The following EVC2 variants were observed in gnomAD, a reference collection of about 807,000 sequenced individuals.
The protein encoded by EVC2 is EvC ciliary complex subunit 2.
Under a neutral mutation model 149.3 loss-of-function variants are expected in EVC2, and 148 were observed. The observed-to-expected ratio is 0.99, with a 90% CI of 0.87 to 1.14. The LOEUF is 1.14. Among genes scored for constraint, EVC2 ranks in the 50% most tolerant of loss-of-function variants. The pLI, the probability that EVC2 is intolerant of heterozygous loss-of-function variation, is 0.00. For synonymous variants in EVC2, 776 were observed against 649.9 expected (o/e 1.19, Z -2.95); for missense variants, 1,854 against 1,627.3 (o/e 1.14, Z -2.40).
chr4:5,616,904 C>T (rs28581822), intron 15 of EVC2, among the ~76,000 whole-genome samples: 25,414 of 152,206 alleles, frequency 0.17, 4,864 homozygotes, highest in African/African-American at 0.47. Flanking sequence ...AGAAACTTCA[C>T]TCCTGCCGGG....
At position 5,640,763 on chromosome 4, in the gene EVC2, A is replaced by AT; in HGVS notation, c.1220_1221insA (p.Ala408CysfsTer35). 1 of 1,614,222 alleles carries AT rather than the reference A, an allele frequency of 6.2e-7. No individual in the cohort carries two copies. ...TGGTGAGATTTTTCAGCAGAAGGGC[A>AT]ATGATATCCTTGCTGATTTGTGTTC... is the stretch of plus-strand genomic sequence containing the variant. On this transcript the variant is annotated frameshift_variant, in exon 10 of 22. Coordinates refer to ENST00000344408, the MANE Select transcript of EVC2 (RefSeq NM_147127.5). LOFTEE classifies it high-confidence loss of function. This position sits in a 1 kb window ranked among gnomAD's most constrained non-coding sequence, Gnocchi z 4.6.
At chr4:5,598,991 C>T (rs1435952225) in intron 16 of EVC2, among the ~76,000 whole-genome samples, 1 of 152,078 alleles carries the variant, frequency 6.6e-6, no homozygotes, top group Non-Finnish European at 1.5e-5. Flanking sequence ...CACTGGCCAT[C>T]AGAGAAATGC....
intron 16 of EVC2, among the ~76,000 whole-genome samples, chr4:5,605,125 T>C (rs1022458126): frequency 2.6e-5 from 4 of 152,246 alleles, no homozygotes; most frequent in African/African-American, 9.6e-5. Context: ...ATACAAAATA[T>C]TACTCAACTG....
chr4:5,684,956 G>A (rs920763169), intron 6 of EVC2, among the ~76,000 whole-genome samples: 4 of 152,200 alleles, frequency 2.6e-5, no homozygotes, highest in African/African-American at 9.7e-5. Flanking sequence ...CAGACACCCT[G>A]ATCTCTGGCT....
rs1722371353 is a variant in EVC2, at chr4:5,567,648, T to C, written c.3557+796A>G. Among the ~76,000 whole-genome samples, 1 of 152,002 alleles carries C rather than the reference T, an allele frequency of 6.6e-6. No homozygotes were observed. The highest frequency in any genetic ancestry group is 1.5e-5 in the Non-Finnish European group (1 of 68,016). On this transcript the variant is annotated intron_variant, in intron 20 of 21. Coordinates refer to ENST00000344408, the MANE Select transcript of EVC2 (RefSeq NM_147127.5). The surrounding 1 kb of genome is among the most constrained non-coding windows in gnomAD (Gnocchi z 4.4). Reference sequence around the variant, plus strand: ...TCCTGCCTTTCCCCATAAAAAGCCTTTAATGACCAAATTCACACCTGGGGC... The same window carrying C: ...TCCTGCCTTTCCCCATAAAAAGCCTCTAATGACCAAATTCACACCTGGGGC...
the EVC2 span, among the ~76,000 whole-genome samples, chr4:5,533,752 C>G: frequency 6.6e-6 from 1 of 152,132 alleles, no homozygotes. Flanking sequence ...AGAAAGAAAA[C>G]AGGGCATGGG....
At chr4:5,639,206 C>A (rs938313146) in intron 10 of EVC2, among the ~76,000 whole-genome samples, 17 of 152,242 alleles carry the variant, frequency 1.1e-4, no homozygotes, top group East Asian at 1.9e-4. Flanking sequence ...CCACAGTCTG[C>A]GGAAGGGAAG....
At position 5,584,769 on chromosome 4, in the gene EVC2, G is replaced by T; in HGVS notation, c.2911C>A (p.Gln971Lys). The change falls in exon 17 of 22, where the codon CAG becomes AAG. Residue 971 changes from glutamine (Q) to lysine (K), a missense_variant. Coordinates refer to ENST00000344408, the MANE Select transcript of EVC2 (RefSeq NM_147127.5). Reference sequence around the variant, plus strand: ...GTCACCCGGGACGCCTTCTGGAACTGCAGAGCAACAAGCGACTGTGCAAAG... The same window carrying T: ...GTCACCCGGGACGCCTTCTGGAACTTCAGAGCAACAAGCGACTGTGCAAAG... Reference protein sequence around the residue: ...GGFAQSLVALQFQKASRVTET... With the variant: ...GGFAQSLVALKFQKASRVTET... 1 of 1,614,170 alleles carries T rather than the reference G, an allele frequency of 6.2e-7. No homozygotes were observed. The highest frequency in any genetic ancestry group is 8.5e-7 in the Non-Finnish European group (1 of 1,180,030).
upstream of EVC2, chr4:5,709,224 C>T (rs947030376): frequency 6.6e-6 from 1 of 152,324 alleles, no homozygotes. Context: ...TCCCTGAACT[C>T]TCCGAGGGGA....
At position 5,650,644 on chromosome 4, in the gene EVC2, G is replaced by T. The variant is rs866145998; in HGVS notation, c.1146-9806C>A. Among the ~76,000 whole-genome samples the T allele has an allele frequency of 9.0e-3, 960 of 107,222 alleles. 3 individuals are homozygous for T. The highest frequency in any genetic ancestry group is 0.016 in the East Asian group (48 of 3,002). The allele number at this position is 107,222 out of a possible 152,430, so 70.3% of individuals were successfully genotyped here. A position where few individuals can be genotyped will look rare whatever the true frequency, so the allele number is the denominator to read the frequency against. On this transcript the variant is annotated intron_variant, in intron 9 of 21. Coordinates refer to ENST00000344408, the MANE Select transcript of EVC2 (RefSeq NM_147127.5). ...ATATATATATATATATATATAGAGA[G>T]AGAGAGAGAGAGAGAGAGAGAGAGA...
At chr4:5,697,746 C>CTTTTT (rs748171113) in intron 1 of EVC2, 99 bp from the exon 2 acceptor site, 15 of 814,368 alleles carry the variant, frequency 1.8e-5, no homozygotes, top group East Asian at 2.9e-5. Flanking sequence ...AGGACATGCA[C>CTTTTT]TTTTTTTTTT....
chr4:5,662,383 C>G (rs1312844192), intron 9 of EVC2, among the ~76,000 whole-genome samples: 1 of 149,084 alleles, frequency 6.7e-6, no homozygotes, highest in Admixed American at 6.7e-5. Context: ...ACGCATATCC[C>G]TAAACTTAAA....
At position 5,703,576 on chromosome 4, in the gene EVC2, T is replaced by C. The variant is rs146187129; in HGVS notation, c.228+4710A>G. Among the ~76,000 whole-genome samples, 24 of 152,340 alleles carry C rather than the reference T, an allele frequency of 1.6e-4. 1 individual carries two copies. The highest frequency in any genetic ancestry group is 1.2e-3 in the East Asian group (6 of 5,188). On this transcript the variant is annotated intron_variant, in intron 1 of 21. Coordinates refer to ENST00000344408, the MANE Select transcript of EVC2 (RefSeq NM_147127.5). The stretch of plus-strand genomic sequence containing the variant: ...GCCCGGGTTCCAATCCCTCAGCCAC[T>C]GCCTCACCACTTCCTGCCAACCTCA...
intron 17 of EVC2, among the ~76,000 whole-genome samples, chr4:5,577,784 G>C (rs1723023862): frequency 6.6e-6 from 1 of 152,168 alleles, no homozygotes; most frequent in Non-Finnish European, 1.5e-5. Context: ...AGCATGCTGA[G>C]ATGTGGAACT....
At chr4:5,674,178 C>G (rs567386454) in intron 7 of EVC2, among the ~76,000 whole-genome samples, 1 of 152,310 alleles carries the variant, frequency 6.6e-6, no homozygotes, top group East Asian at 1.9e-4. Context: ...GGCAAAGAGA[C>G]CCTTGGCCTC....
At chr4:5,680,228 C>T (rs1203064666) in intron 7 of EVC2, among the ~76,000 whole-genome samples, 1 of 152,098 alleles carries the variant, frequency 6.6e-6, no homozygotes, top group East Asian at 1.9e-4. Context: ...TCTAAAATAA[C>T]AATAAAAAGT....
chr4:5,672,755 A>C (rs1441368072), intron 7 of EVC2, among the ~76,000 whole-genome samples: 1 of 152,270 alleles, frequency 6.6e-6, no homozygotes, highest in Non-Finnish European at 1.5e-5. Context: ...ACAATAAGCC[A>C]AACGTCCTGA....
chr4:5,655,321 C>T (rs984797869), intron 9 of EVC2, among the ~76,000 whole-genome samples: 2 of 152,184 alleles, frequency 1.3e-5, no homozygotes, highest in Non-Finnish European at 2.9e-5. Flanking sequence ...TCCAGGTGAA[C>T]TCTGATACTG....
At chr4:5,668,467 T>C (rs1402491733) in intron 7 of EVC2, among the ~76,000 whole-genome samples, 2 of 152,212 alleles carry the variant, frequency 1.3e-5, no homozygotes, top group African/African-American at 4.8e-5. Flanking sequence ...TGATTAACAC[T>C]AAAATGAAAT....
Sources: gnomAD v4.1 joint callset for allele counts (sites outside exome capture counted in the v4.1 genomes callset) on GRCh38, gnomAD v4.1.1 for gene constraint, Gnocchi (gnomAD v3.1) non-coding constraint, MANE v1.5 for transcripts, NCBI Gene and HGNC (gene_info 2026-07-23, HGNC 2026-07-21) for gene names.